The following ARID1B variants were observed in gnomAD, a reference collection of about 807,000 sequenced individuals.
ARID1B encodes AT-rich interaction domain 1B, also known as AT-rich interactive domain-containing protein 1B.
In ARID1B, 30 loss-of-function variants were observed where a neutral mutation model predicts 212.3. The observed-to-expected ratio is 0.14, with a 90% CI of 0.11 to 0.19. The LOEUF (loss-of-function observed/expected upper bound fraction) is 0.19. Ranked by LOEUF, ARID1B falls within the 10% of genes least tolerant of loss-of-function variation. The pLI is 1.00. For missense variants in ARID1B, 2,891 were observed against 3,204.0 expected (o/e 0.90, Z 2.36); for synonymous variants, 1,402 against 1,301.7 (o/e 1.08, Z -1.66).
chr6:157,129,244 G>T (rs1275031641), intron 6 of ARID1B, among the ~76,000 whole-genome samples: 2 of 152,232 alleles, frequency 1.3e-5, no homozygotes, highest in East Asian at 3.8e-4. Context: ...TTTGCTTAAA[G>T]TCACACAGCA....
intron 2 of ARID1B, among the ~76,000 whole-genome samples, chr6:156,877,817 C>T (rs1786682879): frequency 6.6e-6 from 1 of 151,866 alleles, no homozygotes; most frequent in Admixed American, 6.6e-5. Context: ...TCAAGCACTT[C>T]TCGTGCCCCA....
At chr6:157,154,753 A>AT (rs1027894951) in intron 8 of ARID1B, among the ~76,000 whole-genome samples, 46 of 148,628 alleles carry the variant, frequency 3.1e-4, no homozygotes, top group East Asian at 5.9e-4. Flanking sequence ...TAATTTTTGT[A>AT]TTTTTTTTTA....
chr6:156,931,993 G>A (rs137923543), intron 3 of ARID1B, among the ~76,000 whole-genome samples: 3,967 of 149,758 alleles, frequency 0.026, 226 homozygotes, highest in East Asian at 0.25. Context: ...AAATCAGCCA[G>A]GCATAGTGGT....
chr6:156,985,646 T>A (rs181899685), intron 4 of ARID1B: 19 of 152,390 alleles, frequency 1.2e-4, no homozygotes, highest in African/African-American at 4.3e-4. Context: ...TATAAACAAC[T>A]ACTGTGTCTT....
At chr6:156,941,561 T>G (rs1018668150) in intron 4 of ARID1B, 2 of 152,252 alleles carry the variant, frequency 1.3e-5, no homozygotes, top group South Asian at 2.1e-4. Context: ...CTCTGACAGA[T>G]GTTTATTTTC....
chr6:157,060,684 C>T (rs1265125097), intron 4 of ARID1B, among the ~76,000 whole-genome samples: 1 of 115,598 alleles, frequency 8.7e-6, no homozygotes, highest in African/African-American at 3.4e-5. Flanking sequence ...TCATCACATT[C>T]AAGAGCCCGA....
At chr6:156,841,292 T>C (rs975203972) in intron 2 of ARID1B, among the ~76,000 whole-genome samples, 4 of 150,940 alleles carry the variant, frequency 2.7e-5, no homozygotes, top group African/African-American at 7.5e-5. Context: ...CACTGCATCG[T>C]AGCCCATTTC....
intron 4 of ARID1B, among the ~76,000 whole-genome samples, chr6:157,005,855 T>G (rs1303770530): frequency 6.6e-6 from 1 of 152,224 alleles, no homozygotes; most frequent in Non-Finnish European, 1.5e-5. Context: ...CCTAACTCCC[T>G]GAACTTAAAA....
chr6:157,155,550 A>G (rs1030275537), intron 8 of ARID1B, among the ~76,000 whole-genome samples: 3 of 152,296 alleles, frequency 2.0e-5, no homozygotes, highest in Non-Finnish European at 4.4e-5. Context: ...GGAAGTTTTA[A>G]TACTGAATAT....
chr6:156,908,840 A>G (rs1789621558), intron 3 of ARID1B, among the ~76,000 whole-genome samples: 2 of 152,028 alleles, frequency 1.3e-5, no homozygotes, highest in African/African-American at 2.4e-5. Context: ...CCAGGTGCCT[A>G]TGGGTACCAG....
chr6:156,874,047 G>A (rs1382448069), intron 2 of ARID1B, among the ~76,000 whole-genome samples: 2 of 151,628 alleles, frequency 1.3e-5, no homozygotes, highest in African/African-American at 4.9e-5. Context: ...TTCCTGTACT[G>A]ACTAATTTCT....
In ARID1B at chr6:157,158,440, A is replaced by G. The variant is rs563195644; in HGVS notation, c.3090-8600A>G. On this transcript the variant is annotated intron_variant, in intron 8 of 19. Coordinates refer to ENST00000636930, the MANE Select transcript of ARID1B (RefSeq NM_001374828.1). ...CACAGTGATATAGGATGGAGAACTC[A>G]GGACCCAGATTAATTTTCTTAAGCC... Among the ~76,000 whole-genome samples the G allele has an allele frequency of 1.5e-3, 221 of 152,372 alleles. 1 individual carries two copies. The highest frequency in any genetic ancestry group is 1.4e-3 in the South Asian group (7 of 4,834).
rs527775865 is a variant in ARID1B, at chr6:157,207,663, G to A, written c.6891G>A (p.Gln2297=). 17 of 1,613,804 alleles carry A rather than the reference G, an allele frequency of 1.1e-5. No individual in the cohort carries two copies. The change falls in exon 20 of 20, where the codon CAG becomes CAA. Residue 2297 remains glutamine, a synonymous_variant. Transcript: ENST00000636930. The surrounding 1 kb of genome is among the most constrained non-coding windows in gnomAD (Gnocchi z 8.5). ...EDGVTMAQYQ[Q]SQHNLMHMQP... is the part of the protein sequence containing the mutation. ...GGGTCACGATGGCCCAGTACCAGCA[G>A]AGCCAGCACAACCTCATGCACATGC... is the stretch of plus-strand genomic sequence containing the variant.
At chr6:157,176,060 CAG>C (rs1036360266) in intron 11 of ARID1B, among the ~76,000 whole-genome samples, 6 of 152,210 alleles carry the variant, frequency 3.9e-5, no homozygotes, top group African/African-American at 1.4e-4. Context: ...CTGGTTTAAA[CAG>C]ATAGAGCCTG....
rs567327753 is a variant in ARID1B, at chr6:156,981,620, T to C, written c.2247+46044T>C. ...ATGAGGATTGTAGCTTGCTGTACACTGTGTCTTTCCCACTCTTCAATGTCC... is the reference window on the plus strand; with the variant it reads ...ATGAGGATTGTAGCTTGCTGTACACCGTGTCTTTCCCACTCTTCAATGTCC... On this transcript the variant is annotated intron_variant, in intron 4 of 19. Coordinates refer to ENST00000636930, the MANE Select transcript of ARID1B (RefSeq NM_001374828.1). 2.0e-5 allele frequency among the ~76,000 whole-genome samples: 3 copies of C among 152,354 alleles called. No homozygotes were observed. In the South Asian group the frequency reaches 6.2e-4, roughly 32 times the overall value.
At chr6:156,946,149 G>C (rs1793116285) in intron 4 of ARID1B, among the ~76,000 whole-genome samples, 1 of 150,736 alleles carries the variant, frequency 6.6e-6, no homozygotes, top group East Asian at 1.9e-4. Context: ...TTGAGGTCAG[G>C]AGTTCAAGAC....
At chr6:157,038,286 C>T (rs1781466794) in intron 4 of ARID1B, among the ~76,000 whole-genome samples, 1 of 152,092 alleles carries the variant, frequency 6.6e-6, no homozygotes, top group African/African-American at 2.4e-5. Context: ...GGTGATGACC[C>T]TCACGTGACT....
At chr6:156,824,709 G>T (rs1430115889) in intron 1 of ARID1B, among the ~76,000 whole-genome samples, 1 of 152,128 alleles carries the variant, frequency 6.6e-6, no homozygotes, top group Admixed American at 6.5e-5. Flanking sequence ...AGGTTGCAGT[G>T]AGCTGAGATT....
chr6:156,798,952 T>A (rs1208501927), intron 1 of ARID1B, among the ~76,000 whole-genome samples: 1 of 152,236 alleles, frequency 6.6e-6, no homozygotes, highest in Non-Finnish European at 1.5e-5. Context: ...GTTTTCTCTC[T>A]GTGTGTATAG....
Sources: gnomAD v4.1 joint callset for allele counts (sites outside exome capture counted in the v4.1 genomes callset) on GRCh38, gnomAD v4.1.1 for gene constraint, Gnocchi (gnomAD v3.1) non-coding constraint, MANE v1.5 for transcripts, NCBI Gene and HGNC (gene_info 2026-07-23, HGNC 2026-07-21) for gene names.